OXSR1: variants seen among roughly 807,000 people sequenced by gnomAD.
The protein encoded by OXSR1 is serine/threonine-protein kinase OSR1.
In OXSR1, 24 loss-of-function variants were observed where a neutral mutation model predicts 79.8. That is an observed-to-expected ratio of 0.30 (90% confidence interval 0.22 to 0.42). The LOEUF (loss-of-function observed/expected upper bound fraction) is 0.42. Ranked by LOEUF, OXSR1 falls within the 10% of genes least tolerant of loss-of-function variation. OXSR1 has a pLI of 1.00. For missense variants in OXSR1, 430 were observed against 618.4 expected (o/e 0.70, Z 3.23); for synonymous variants, 226 against 209.2 (o/e 1.08, Z -0.69).
At chr3:38,235,327 A>T (rs1257581410) in intron 10 of OXSR1, among the ~76,000 whole-genome samples, 1 of 152,208 alleles carries the variant, frequency 6.6e-6, no homozygotes, top group Admixed American at 6.5e-5. Flanking sequence ...GAAAAATTCA[A>T]TATAAAGGTT....
At chr3:38,211,500 G>T (rs73827645) in intron 4 of OXSR1, among the ~76,000 whole-genome samples, 1 of 152,062 alleles carries the variant, frequency 6.6e-6, no homozygotes, top group Admixed American at 6.6e-5. Context: ...CTTATTTGTT[G>T]TAAAGACAAT....
At chr3:38,249,875 C>G in intron 14 of OXSR1, 91 bp from the exon 15 acceptor site, 1 of 797,016 alleles carries the variant, frequency 1.3e-6, no homozygotes, top group East Asian at 2.6e-5. Flanking sequence ...AACAGACTTT[C>G]TTGAGGCACA....
chr3:38,179,953 C>T (rs1313633691), intron 1 of OXSR1, among the ~76,000 whole-genome samples: 22 of 152,090 alleles, frequency 1.4e-4, no homozygotes, highest in Admixed American at 1.4e-3. Context: ...GGACTACAGG[C>T]GTGTGCCCCC....
rs755314016 is a variant in OXSR1 at position 38,246,167 on chromosome 3, A to G, written c.1203A>G (p.Thr401=). The G allele has an allele frequency of 3.7e-6, 6 of 1,613,834 alleles. No individual in the cohort carries two copies. The highest frequency in any genetic ancestry group is 5.1e-6 in the Non-Finnish European group (6 of 1,179,800). Residue 401 remains threonine (T), a synonymous_variant, in exon 13 of 18, where the codon ACA becomes ACG. Coordinates refer to ENST00000311806, the MANE Select transcript of OXSR1 (RefSeq NM_005109.3). ...HLPQPAGQIA[T]QPTQVSLPPT... ...CTCAGCCAGCTGGGCAGATTGCTAC[A>G]CAGCCAACTCAAGTCTCTCTCCCAC...
intron 12 of OXSR1, 105 bp downstream of exon 12, chr3:38,242,883 G>A (rs762746718): frequency 9.3e-6 from 6 of 645,332 alleles, no homozygotes; most frequent in African/African-American, 3.7e-5. Context: ...AAATGGGAAT[G>A]CAACTTTATA....
At chr3:38,192,945 T>C (rs1702009239) in intron 3 of OXSR1, among the ~76,000 whole-genome samples, 1 of 152,242 alleles carries the variant, frequency 6.6e-6, no homozygotes, top group South Asian at 2.1e-4. Flanking sequence ...TGCAGTTTTA[T>C]TGCTGTATCT....
In OXSR1 at chr3:38,241,073, A is replaced by G. The variant is rs144661818; in HGVS notation, c.1075-1670A>G. Among the ~76,000 whole-genome samples, 51 of 152,266 alleles carry G rather than the reference A, an allele frequency of 3.3e-4. 1 individual carries two copies. The East Asian group carries it at 9.5e-3, about 28-fold the overall frequency. The stretch of plus-strand genomic sequence containing the variant: ...TCAAGGTCTTAAAGTGTGCCCCCAC[A>G]TATTACCTATTCACCACAAGGGAAA... On this transcript the variant is annotated intron_variant, in intron 11 of 17. Transcript: ENST00000311806.
chr3:38,240,913 G>A (rs1416940791), intron 11 of OXSR1, among the ~76,000 whole-genome samples: 2 of 152,180 alleles, frequency 1.3e-5, no homozygotes, highest in East Asian at 1.9e-4. Context: ...AGGCTACCAA[G>A]TGCTGACCAG....
chr3:38,164,833 C>A (rs1278315114), upstream of OXSR1, among the ~76,000 whole-genome samples: 1 of 152,164 alleles, frequency 6.6e-6, no homozygotes, highest in Non-Finnish European at 1.5e-5. Context: ...AGAGACAGCG[C>A]CGCGACAAGC....
chr3:38,193,305 G>C, intron 3 of OXSR1: 1 of 1,289,682 alleles, frequency 7.8e-7, no homozygotes, highest in Non-Finnish European at 1.0e-6. Context: ...AAACTGGATT[G>C]CTTTGTTAAA....
chr3:38,165,824 A>C lies in OXSR1; in HGVS notation c.-53A>C. The C allele has an allele frequency of 1.4e-6, 2 of 1,477,084 alleles. No homozygotes were observed. The highest frequency in any genetic ancestry group is 2.4e-5 in the South Asian group (2 of 84,978). The allele number at this position is 1,477,084 out of a possible 1,614,324, so 91.5% of individuals were successfully genotyped here. On this transcript the variant is annotated 5_prime_UTR_variant, in exon 1 of 18. Transcript: ENST00000311806. The stretch of plus-strand genomic sequence containing the variant: ...GGGGGTGGGGAGACGCGCGGCGAGG[A>C]GACGAGCGAGGTCAGCGAGTTTGAG...
At chr3:38,205,373 T>C (rs1308753817) in intron 4 of OXSR1, among the ~76,000 whole-genome samples, 1 of 152,214 alleles carries the variant, frequency 6.6e-6, no homozygotes, top group Non-Finnish European at 1.5e-5. Context: ...ATTGGATCTT[T>C]CTGTGGGTTT....
chr3:38,182,082 T>C (rs760256274), intron 1 of OXSR1, among the ~76,000 whole-genome samples: 1 of 152,210 alleles, frequency 6.6e-6, no homozygotes, highest in Non-Finnish European at 1.5e-5. Flanking sequence ...TTAAGTTTAG[T>C]GTATAGCTCT....
chr3:38,243,739 G>T (rs1266920225), intron 12 of OXSR1, among the ~76,000 whole-genome samples: 1 of 152,250 alleles, frequency 6.6e-6, no homozygotes, highest in Admixed American at 6.5e-5. Context: ...ACATAGAACT[G>T]TATTAAGAGT....
At chr3:38,198,504 C>G (rs1003451426) in intron 3 of OXSR1, among the ~76,000 whole-genome samples, 4 of 152,148 alleles carry the variant, frequency 2.6e-5, no homozygotes, top group Admixed American at 2.6e-4. Context: ...GCTGGCATAA[C>G]ATACTATTTG....
intron 11 of OXSR1, among the ~76,000 whole-genome samples, chr3:38,241,806 T>TG (rs1304690605): frequency 2.6e-5 from 4 of 151,970 alleles, no homozygotes; most frequent in African/African-American, 9.6e-5. Context: ...GTTGTTTGTT[T>TG]TTTTTTTTAA....
chr3:38,212,532 A>T (rs1702408111), intron 4 of OXSR1, among the ~76,000 whole-genome samples: 2 of 152,216 alleles, frequency 1.3e-5, no homozygotes, highest in Admixed American at 1.3e-4. Flanking sequence ...TAGTGTATTT[A>T]CAGCTTTGGT....
At position 38,251,419 on chromosome 3, in the gene OXSR1, C is replaced by G. The variant is rs1253238993; in HGVS notation, c.1392C>G (p.Val464=). 1.2e-6 allele frequency: 2 copies of G among 1,613,356 alleles called. No individual in the cohort carries two copies. Among genetic ancestry groups the G allele is most frequent in the African/African-American group, 1.3e-5 (1 of 74,986 alleles). ...FTPGRDTAEG[V]SQELISAGLV... ...TCCTTGCAGATACAGCAGAGGGTGT[C>G]TCTCAGGAACTCATTTCTGCTGGCC... Residue 464 remains valine (V), a synonymous_variant, in exon 16 of 18, where the codon GTC becomes GTG. Coordinates refer to ENST00000311806, the MANE Select transcript of OXSR1 (RefSeq NM_005109.3).
intron 2 of OXSR1, among the ~76,000 whole-genome samples, chr3:38,183,406 A>G (rs983537553): frequency 6.6e-6 from 1 of 152,198 alleles, no homozygotes; most frequent in Non-Finnish European, 1.5e-5. Flanking sequence ...TCATTTAATA[A>G]TTTATCATAG....
Sources: allele counts gnomAD v4.1 joint callset (sites outside exome capture counted in the v4.1 genomes callset), GRCh38; gene constraint gnomAD v4.1.1; transcripts MANE v1.5; gene names NCBI Gene and HGNC (gene_info 2026-07-23, HGNC 2026-07-21).